Variants in ANO2 observed in about 807,000 individuals in gnomAD.
ANO2 encodes anoctamin 2.
A neutral mutation model predicts 124.2 loss-of-function variants in ANO2; 101 were observed. The observed-to-expected ratio is 0.81, with a 90% CI of 0.69 to 0.96. ANO2 has a LOEUF of 0.96. Among genes scored for constraint, ANO2 ranks in the 40% least tolerant of loss-of-function variants. The probability of loss-of-function intolerance (pLI) is 0.00; values close to 1 mark genes in which losing one functional copy is unlikely to be tolerated. For synonymous variants in ANO2, 486 were observed against 482.5 expected, an observed-to-expected ratio of 1.01 and a Z score of -0.09; for missense variants, 1,293 against 1,274.5, an observed-to-expected ratio of 1.01 and a Z score of -0.22.
chr12:5,884,718 G>GGAC (rs1938761206), intron 3 of ANO2, among the ~76,000 whole-genome samples: 1 of 152,184 alleles, frequency 6.6e-6, no homozygotes, highest in African/African-American at 2.4e-5. Flanking sequence ...TCATGACCTA[G>GGAC]GACAATATGC....
chr12:5,893,449 C>A (rs1288123904), intron 3 of ANO2, among the ~76,000 whole-genome samples: 1 of 149,204 alleles, frequency 6.7e-6, no homozygotes, highest in Non-Finnish European at 1.5e-5. Flanking sequence ...AGAGACATTT[C>A]TTTTCTTTAT....
chr12:5,627,954 G>A (rs1227905790), intron 16 of ANO2, among the ~76,000 whole-genome samples: 3 of 151,860 alleles, frequency 2.0e-5, no homozygotes, highest in Admixed American at 1.3e-4. Context: ...AAAAAAATTA[G>A]CCAGATGCTG....
Position 5,739,304 on chromosome 12 carries a change from T to C in ANO2, c.1434+13A>G. On this transcript the variant is annotated intron_variant, in intron 13 of 24. Coordinates refer to ENST00000682330, the MANE Select transcript of ANO2 (RefSeq NM_001364791.2). ...CCCACAGAAGTATGTGAGAAATACG[T>C]GAGAGAACTCACTTCTTCCTCTTCT... 1 of 1,587,252 alleles carries C rather than the reference T, an allele frequency of 6.3e-7. No homozygotes were observed. The highest frequency in any genetic ancestry group is 8.6e-7 in the Non-Finnish European group (1 of 1,164,896).
At chr12:5,896,172 C>T (rs1427886673) in intron 3 of ANO2, among the ~76,000 whole-genome samples, 3 of 152,088 alleles carry the variant, frequency 2.0e-5, no homozygotes, top group East Asian at 3.8e-4. Flanking sequence ...GTACAGTGTA[C>T]ACTGCTCAGT....
intron 19 of ANO2, among the ~76,000 whole-genome samples, chr12:5,603,470 A>G (rs1358154629): frequency 6.6e-6 from 1 of 152,248 alleles, no homozygotes; most frequent in Non-Finnish European, 1.5e-5. Flanking sequence ...TACTCTTACT[A>G]TTTAAGACTA....
intron 3 of ANO2, among the ~76,000 whole-genome samples, chr12:5,903,654 TG>T (rs1940468846): frequency 1.3e-5 from 2 of 151,114 alleles, no homozygotes; most frequent in Non-Finnish European, 2.9e-5. Flanking sequence ...AAGATGTGTG[TG>T]TGTGTGTGTG....
intron 3 of ANO2, among the ~76,000 whole-genome samples, chr12:5,877,542 C>T (rs1416907253): frequency 6.6e-6 from 1 of 152,194 alleles, no homozygotes; most frequent in Non-Finnish European, 1.5e-5. Context: ...AGGCTGGGCT[C>T]ACATCCCCAG....
intron 7 of ANO2, 82 bp downstream of exon 7, chr12:5,827,687 C>G (rs756018323): frequency 6.1e-6 from 9 of 1,473,340 alleles, no homozygotes; most frequent in African/African-American, 2.8e-5. Flanking sequence ...TCTTTGCTGC[C>G]GACCAAGGGA....
At chr12:5,702,573 C>CA (rs56905348) in intron 14 of ANO2, among the ~76,000 whole-genome samples, 42 of 144,526 alleles carry the variant, frequency 2.9e-4, no homozygotes, top group East Asian at 2.4e-3. Flanking sequence ...CCAAAAAATG[C>CA]AAAAAAAAAA....
At chr12:5,781,001 A>G (rs1241919677) in intron 10 of ANO2, among the ~76,000 whole-genome samples, 1 of 152,228 alleles carries the variant, frequency 6.6e-6, no homozygotes, top group African/African-American at 2.4e-5. Flanking sequence ...ATTTTCTTTC[A>G]ACTATTTCAT....
chr12:5,859,361 T>C (rs1381153470), intron 3 of ANO2, among the ~76,000 whole-genome samples: 1 of 151,836 alleles, frequency 6.6e-6, no homozygotes, highest in Non-Finnish European at 1.5e-5. Flanking sequence ...TTGAAATGTC[T>C]CAAAAAAACT....
chr12:5,916,870 T>C (rs1046511310), intron 3 of ANO2, among the ~76,000 whole-genome samples: 3 of 152,294 alleles, frequency 2.0e-5, no homozygotes, highest in African/African-American at 7.2e-5. Flanking sequence ...TAATGTGCCA[T>C]GGCTGAAAAG....
At chr12:5,843,802 G>A (rs1213637092) in intron 4 of ANO2, among the ~76,000 whole-genome samples, 1 of 152,132 alleles carries the variant, frequency 6.6e-6, no homozygotes, top group Non-Finnish European at 1.5e-5. Flanking sequence ...AAGATGCTGG[G>A]CAGAGGAAGC....
At chr12:5,657,259 G>C (rs570661183) in intron 14 of ANO2, among the ~76,000 whole-genome samples, 1 of 152,154 alleles carries the variant, frequency 6.6e-6, no homozygotes. Context: ...GTCTGAGAAA[G>C]AGTCAAATAG....
intron 10 of ANO2, among the ~76,000 whole-genome samples, chr12:5,797,128 G>A (rs1022477059): frequency 1.3e-5 from 2 of 152,220 alleles, no homozygotes; most frequent in Admixed American, 6.5e-5. Context: ...CGAGGCACAC[G>A]GAGGGTGCCA....
At chr12:5,783,527 G>T (rs1256072035) in intron 10 of ANO2, among the ~76,000 whole-genome samples, 2 of 152,208 alleles carry the variant, frequency 1.3e-5, no homozygotes, top group Admixed American at 6.5e-5. Context: ...ATGGCAAATT[G>T]CCAGGGTGAT....
chr12:5,800,699 T>C (rs1226110725), intron 9 of ANO2, among the ~76,000 whole-genome samples: 1 of 151,954 alleles, frequency 6.6e-6, no homozygotes. Flanking sequence ...GAAGGACAGG[T>C]TAGTGGGGGT....
Position 5,685,489 on chromosome 12 carries a change from C to T in ANO2, c.1546-37688G>A, listed in dbSNP as rs150433546. On this transcript the variant is annotated intron_variant, in intron 14 of 24. Coordinates refer to ENST00000682330, the MANE Select transcript of ANO2 (RefSeq NM_001364791.2). ...CAACTGGAACAGAGAAGAGAAGCCA[C>T]AGGAAGAGCCTGGGGCTGGGCACAG... 3.2e-3 allele frequency among the ~76,000 whole-genome samples: 482 copies of T among 152,306 alleles called. 3 individuals carry two copies. Among genetic ancestry groups the T allele is most frequent in the African/African-American group, 0.011 (461 of 41,568 alleles).
chr12:5,864,484 C>T (rs1225604275), intron 3 of ANO2, among the ~76,000 whole-genome samples: 1 of 152,230 alleles, frequency 6.6e-6, no homozygotes. Flanking sequence ...CTATTCATCA[C>T]AGTGAAATTG....
Sources: allele counts gnomAD v4.1 joint callset (sites outside exome capture counted in the v4.1 genomes callset), GRCh38; gene constraint gnomAD v4.1.1; transcripts MANE v1.5; gene names NCBI Gene and HGNC (gene_info 2026-07-23, HGNC 2026-07-21).